The following SEM1 variants were observed in gnomAD, a reference collection of about 807,000 sequenced individuals.
SEM1 encodes the protein SEM1 26S proteasome subunit.
In SEM1, 3 loss-of-function variants were observed where a neutral mutation model predicts 12.7. That is an observed-to-expected ratio of 0.24 (90% CI 0.11 to 0.61). SEM1 has a LOEUF of 0.61. Among genes scored for constraint, SEM1 ranks in the 20% least tolerant of loss-of-function variants. The pLI, the probability that SEM1 is intolerant of heterozygous loss-of-function variation, is 0.88. For missense variants in SEM1, 59 were observed against 81.3 expected, an observed-to-expected ratio of 0.73 and a Z score of 1.06; for synonymous variants, 30 against 27.8, an observed-to-expected ratio of 1.08 and a Z score of -0.25.
At chr7:96,704,962 T>C (rs12704871) in intron 1 of SEM1, among the ~76,000 whole-genome samples, 49,281 of 152,098 alleles carry the variant, frequency 0.32, 10,029 homozygotes, top group East Asian at 0.67. Context: ...ACCCACTAAA[T>C]GCTGGCAGTT....
At chr7:96,694,973 G>C in intron 1 of SEM1, 82 bp from the exon 2 acceptor site, 1 of 956,120 alleles carries the variant, frequency 1.0e-6, no homozygotes, top group Non-Finnish European at 1.6e-6. Context: ...GCTTGCTACT[G>C]AACACTCACA....
chr7:96,498,681 A>G (rs867774850), upstream of SEM1, among the ~76,000 whole-genome samples: 9 of 152,168 alleles, frequency 5.9e-5, no homozygotes, highest in Admixed American at 1.3e-4. Context: ...AAGTTTGTCA[A>G]ATGATTGTTG....
intron 2 of SEM1, among the ~76,000 whole-genome samples, chr7:96,604,885 C>T (rs1173510538): frequency 3.7e-5 from 2 of 54,504 alleles, no homozygotes; most frequent in African/African-American, 5.5e-5. Flanking sequence ...TGCCACTGCA[C>T]TCCAGCCTGG....
At chr7:96,702,683 C>T (rs1422576123) in intron 1 of SEM1, among the ~76,000 whole-genome samples, 17 of 152,140 alleles carry the variant, frequency 1.1e-4, no homozygotes, top group Non-Finnish European at 1.5e-5. Context: ...TTTCAAAGTC[C>T]CTCCCCCAAA....
intron 2 of SEM1, among the ~76,000 whole-genome samples, chr7:96,548,122 A>C (rs1289215696): frequency 1.3e-5 from 2 of 152,136 alleles, no homozygotes; most frequent in African/African-American, 4.8e-5. Context: ...AACAATAAAA[A>C]AATTGAACAT....
At chr7:96,486,931 G>A (rs993742383) in intron 1 of SEM1, among the ~76,000 whole-genome samples, 14 of 152,246 alleles carry the variant, frequency 9.2e-5, no homozygotes, top group East Asian at 3.9e-4. Flanking sequence ...AGCACTGTGC[G>A]CATGCCTGTG....
chr7:96,654,429 G>C (rs1469970942), intron 2 of SEM1, among the ~76,000 whole-genome samples: 1 of 152,180 alleles, frequency 6.6e-6, no homozygotes, highest in Admixed American at 6.5e-5. Context: ...CCAGCATTAT[G>C]ATGGTGTGAA....
chr7:96,694,127 A>T (rs77305609), intron 2 of SEM1, among the ~76,000 whole-genome samples: 2,183 of 152,058 alleles, frequency 0.014, 43 homozygotes, highest in African/African-American at 0.05. Context: ...CATTTATATG[A>T]AGCTTCCAAA....
At chr7:96,586,462 G>T (rs2116103311) in intron 2 of SEM1, among the ~76,000 whole-genome samples, 2 of 152,296 alleles carry the variant, frequency 1.3e-5, no homozygotes, top group South Asian at 4.1e-4. Context: ...ACTGCTGCTA[G>T]CCATTAGACT....
chr7:96,585,876 C>G (rs1806615110), intron 2 of SEM1, among the ~76,000 whole-genome samples: 1 of 152,212 alleles, frequency 6.6e-6, no homozygotes, highest in South Asian at 2.1e-4. Context: ...CTGGCACTCC[C>G]TAGTGAGATG....
intron 2 of SEM1, among the ~76,000 whole-genome samples, chr7:96,534,779 G>A (rs1804739979): frequency 6.6e-6 from 1 of 151,996 alleles, no homozygotes; most frequent in South Asian, 2.1e-4. Context: ...AGACATTGAA[G>A]AGATTTACAA....
chr7:96,517,576 T>G (rs1377697690), intron 2 of SEM1, among the ~76,000 whole-genome samples: 1 of 152,156 alleles, frequency 6.6e-6, no homozygotes. Context: ...ATGGGGAAAC[T>G]TCATATTTCT....
intron 2 of SEM1, among the ~76,000 whole-genome samples, chr7:96,647,892 T>C (rs926764755): frequency 6.6e-6 from 1 of 152,194 alleles, no homozygotes; most frequent in Non-Finnish European, 1.5e-5. Context: ...TAAATGAAGT[T>C]TGCTCTCTCC....
intron 3 of SEM1, among the ~76,000 whole-genome samples, chr7:96,484,575 G>C (rs1257179539): frequency 6.6e-6 from 1 of 152,138 alleles, no homozygotes; most frequent in African/African-American, 2.4e-5. Flanking sequence ...TGTTGATTCA[G>C]ACTCCACTGG....
At chr7:96,671,833 A>G (rs898284741), downstream of SEM1, among the ~76,000 whole-genome samples, 1 of 152,234 alleles carries the variant, frequency 6.6e-6, no homozygotes, top group Admixed American at 6.5e-5. Flanking sequence ...CCTAAATGGA[A>G]AAACTAGGTA....
intron 2 of SEM1, among the ~76,000 whole-genome samples, chr7:96,591,711 C>T (rs1584791669): frequency 6.6e-6 from 1 of 152,092 alleles, no homozygotes; most frequent in Non-Finnish European, 1.5e-5. Context: ...TTTGTTGGGG[C>T]CTTTCCTGAA....
intron 2 of SEM1, among the ~76,000 whole-genome samples, chr7:96,583,860 G>C (rs1806506347): frequency 6.7e-6 from 1 of 149,700 alleles, no homozygotes; most frequent in East Asian, 2.0e-4. Context: ...TTGAGCCTAT[G>C]TGTCTCTGCA....
At chr7:96,508,609 T>C (rs549030387) in intron 2 of SEM1, among the ~76,000 whole-genome samples, 1 of 152,292 alleles carries the variant, frequency 6.6e-6, no homozygotes, top group South Asian at 2.1e-4. Flanking sequence ...CCAATTCAAA[T>C]ATGCATCTTG....
chr7:96,484,694 C>CA (rs1218601936), intron 3 of SEM1: 9 of 409,434 alleles, frequency 2.2e-5, no homozygotes, highest in Non-Finnish European at 4.0e-5. Context: ...ACTCACTTAC[C>CA]AAAAAGCGCC....
Sources: gnomAD v4.1 joint callset for allele counts (sites outside exome capture counted in the v4.1 genomes callset) on GRCh38, gnomAD v4.1.1 for gene constraint, MANE v1.5 for transcripts, NCBI Gene and HGNC (gene_info 2026-07-23, HGNC 2026-07-21) for gene names.